The following PCDH9 variants were observed in gnomAD, a reference collection of about 807,000 sequenced individuals.
The protein encoded by PCDH9 is protocadherin-9.
A neutral mutation model predicts 70.6 loss-of-function variants in PCDH9; 24 were observed. The observed-to-expected ratio is 0.34, with a 90% CI of 0.25 to 0.48. The LOEUF is 0.48. Among genes scored for constraint, PCDH9 ranks in the 20% least tolerant of loss-of-function variants. The pLI, the probability that PCDH9 is intolerant of heterozygous loss-of-function variation, is 0.99. For synonymous variants in PCDH9, 562 were observed against 558.5 expected (o/e 1.01, Z -0.09); for missense variants, 1,281 against 1,503.6 (o/e 0.85, Z 2.45).
rs1555262846 is a variant in PCDH9 at position 66,730,876 on chromosome 13, G to GTGTTTTTTTTTTTTTTTTTTTTTTTT, written c.3139-99466_3139-99465insAAAAAAAAAAAAAAAAAAAAAAAACA. On this transcript the variant is annotated intron_variant, in intron 3 of 4. Transcript: ENST00000377865. ...TGTTTTTGTTTTTTTGTGTGTGTGT[G>GTGTTTTTTTTTTTTTTTTTTTTTTTT]TTTTTTTTTTGTTTGTTTCTTTTTT... is the stretch of plus-strand genomic sequence containing the variant. Among the ~76,000 whole-genome samples, 8 of 46,356 alleles carry GTGTTTTTTTTTTTTTTTTTTTTTTTT rather than the reference G, an allele frequency of 1.7e-4. 2 individuals are homozygous for GTGTTTTTTTTTTTTTTTTTTTTTTTT. Among genetic ancestry groups the GTGTTTTTTTTTTTTTTTTTTTTTTTT allele is most frequent in the African/African-American group, 6.0e-4 (8 of 13,256 alleles). The allele number at this position is 46,356 out of a possible 152,430, so 30.4% of individuals were successfully genotyped here.
intron 3 of PCDH9, among the ~76,000 whole-genome samples, chr13:66,894,996 C>T (rs1234556197): frequency 6.6e-6 from 1 of 151,862 alleles, no homozygotes; most frequent in African/African-American, 2.4e-5. Flanking sequence ...TTAGTAGAGA[C>T]AGGGTTTCAC....
At chr13:67,012,792 C>T (rs967188598) in intron 2 of PCDH9, among the ~76,000 whole-genome samples, 5 of 151,836 alleles carry the variant, frequency 3.3e-5, no homozygotes, top group Non-Finnish European at 7.4e-5. Context: ...TTATGTAAAA[C>T]GATTAAAGAG....
intron 4 of PCDH9, among the ~76,000 whole-genome samples, chr13:66,596,979 C>T (rs962633419): frequency 6.6e-6 from 1 of 151,230 alleles, no homozygotes; most frequent in South Asian, 2.1e-4. Flanking sequence ...AGGTAGGGGT[C>T]ATATTTCATT....
At chr13:67,067,765 G>A (rs913242201) in intron 2 of PCDH9, among the ~76,000 whole-genome samples, 5 of 138,824 alleles carry the variant, frequency 3.6e-5, no homozygotes, top group Admixed American at 3.0e-4. Flanking sequence ...GTTGATCATC[G>A]TGGGGAATAG....
chr13:67,156,002 A>T (rs2087800918), intron 2 of PCDH9, among the ~76,000 whole-genome samples: 1 of 151,996 alleles, frequency 6.6e-6, no homozygotes, highest in Admixed American at 6.6e-5. Flanking sequence ...TCTCAGCTCA[A>T]ATACAGTATC....
intron 4 of PCDH9, among the ~76,000 whole-genome samples, chr13:66,541,887 C>T (rs1960971801): frequency 6.6e-6 from 1 of 152,052 alleles, no homozygotes; most frequent in Admixed American, 6.6e-5. Flanking sequence ...AGAGAAGTTC[C>T]TTGGAGTTTT....
intron 4 of PCDH9, among the ~76,000 whole-genome samples, chr13:66,530,730 T>TA (rs538081038): frequency 0.017 from 2,513 of 151,402 alleles, 43 homozygotes; most frequent in Middle Eastern, 0.034. Context: ...AAGATGATAG[T>TA]AAAAAAAAAT....
chr13:67,137,108 A>G (rs1254769636), intron 2 of PCDH9, among the ~76,000 whole-genome samples: 2 of 152,058 alleles, frequency 1.3e-5, no homozygotes, highest in Non-Finnish European at 2.9e-5. Context: ...TGTACCCTAG[A>G]ACTTAAAGTA....
intron 2 of PCDH9, among the ~76,000 whole-genome samples, chr13:66,965,215 C>T (rs1282185991): frequency 6.6e-6 from 1 of 152,104 alleles, no homozygotes; most frequent in Non-Finnish European, 1.5e-5. Context: ...AAACTGGAAA[C>T]TTACATCATG....
chr13:66,341,235 A>G (rs1956118651), intron 4 of PCDH9, among the ~76,000 whole-genome samples: 1 of 151,852 alleles, frequency 6.6e-6, no homozygotes, highest in Admixed American at 6.6e-5. Flanking sequence ...TGGGACTACA[A>G]TCACGCATCA....
intron 3 of PCDH9, among the ~76,000 whole-genome samples, chr13:66,773,082 C>T (rs2079833848): frequency 6.6e-6 from 1 of 152,222 alleles, no homozygotes. Context: ...TGTATCCATT[C>T]AACTACGTGA....
chr13:66,988,917 T>C (rs891263092), intron 2 of PCDH9, among the ~76,000 whole-genome samples: 1 of 151,982 alleles, frequency 6.6e-6, no homozygotes, highest in African/African-American at 2.4e-5. Context: ...AACCAGATGA[T>C]GTGCAAAGTT....
chr13:66,996,351 T>A (rs574637196), intron 2 of PCDH9: 15 of 152,156 alleles, frequency 9.9e-5, no homozygotes, highest in African/African-American at 3.6e-4. Context: ...AACATTAGTG[T>A]TTAAAAAAAA....
chr13:67,131,141 A>G (rs766356445), intron 2 of PCDH9, among the ~76,000 whole-genome samples: 14 of 152,210 alleles, frequency 9.2e-5, no homozygotes, highest in Admixed American at 2.6e-4. Context: ...TGTTTACTTT[A>G]CTTATAGTTT....
At chr13:66,828,430 C>G (rs1290154600) in intron 3 of PCDH9, among the ~76,000 whole-genome samples, 1 of 152,138 alleles carries the variant, frequency 6.6e-6, no homozygotes, top group Non-Finnish European at 1.5e-5. Flanking sequence ...GATTTACCCC[C>G]ACTTATCCAG....
chr13:67,070,175 T>C (rs1377271526), intron 2 of PCDH9, among the ~76,000 whole-genome samples: 1 of 151,946 alleles, frequency 6.6e-6, no homozygotes, highest in Non-Finnish European at 1.5e-5. Flanking sequence ...TATCGTTACC[T>C]TGTTTTATTG....
intron 2 of PCDH9, among the ~76,000 whole-genome samples, chr13:67,042,614 T>C (rs1447724794): frequency 6.6e-6 from 1 of 152,216 alleles, no homozygotes; most frequent in East Asian, 1.9e-4. Context: ...GTTGATGTCA[T>C]ATACAGATAG....
chr13:67,175,576 C>A (rs547219645), intron 2 of PCDH9, among the ~76,000 whole-genome samples: 458 of 152,274 alleles, frequency 3.0e-3, no homozygotes, highest in Non-Finnish European at 5.6e-3. Flanking sequence ...CCACCTCACA[C>A]TTGCTTACTG....
intron 2 of PCDH9, among the ~76,000 whole-genome samples, chr13:66,983,377 T>C (rs2083816506): frequency 6.6e-6 from 1 of 152,154 alleles, no homozygotes; most frequent in South Asian, 2.1e-4. Flanking sequence ...TTTGTTCCCC[T>C]TTACTATCCA....
Sources: gnomAD v4.1 joint callset for allele counts (sites outside exome capture counted in the v4.1 genomes callset) on GRCh38, gnomAD v4.1.1 for gene constraint, MANE v1.5 for transcripts, NCBI Gene and HGNC (gene_info 2026-07-23, HGNC 2026-07-21) for gene names.